CDH3: variants seen among roughly 807,000 people sequenced by gnomAD.
The protein encoded by CDH3 is cadherin-3.
A neutral mutation model predicts 82.0 loss-of-function variants in CDH3; 54 were observed. That is an observed-to-expected ratio of 0.66 (90% CI 0.53 to 0.83). The LOEUF (loss-of-function observed/expected upper bound fraction) is 0.83, where lower values mean the gene tolerates loss of function less well. CDH3 is among the 40% of genes least tolerant of loss of function. The pLI is 0.00. For missense variants in CDH3, 1,054 were observed against 1,084.6 expected, an observed-to-expected ratio of 0.97 and a Z score of 0.40; for synonymous variants, 446 against 437.9, an observed-to-expected ratio of 1.02 and a Z score of -0.23.
chr16:68,646,513 C>A (rs2152087827), intron 2 of CDH3, among the ~76,000 whole-genome samples: 2 of 132,794 alleles, frequency 1.5e-5, no homozygotes, highest in Admixed American at 7.6e-5. Flanking sequence ...CCCCCCCCCT[C>A]CCCGCCCCAA....
intron 2 of CDH3, among the ~76,000 whole-genome samples, chr16:68,652,778 G>A (rs891732878): frequency 1.3e-5 from 2 of 152,136 alleles, no homozygotes; most frequent in African/African-American, 4.8e-5. Flanking sequence ...AGGTGAATTT[G>A]CCTGCATTTG....
At chr16:68,660,966 CAA>C (rs10590071) in intron 2 of CDH3, among the ~76,000 whole-genome samples, 4,154 of 116,946 alleles carry the variant, frequency 0.036, 181 homozygotes, top group African/African-American at 0.12. Context: ...GACTCCGTCT[CAA>C]AAAAAAAAAA....
At chr16:68,674,133 A>T (rs1234089193) in intron 2 of CDH3, among the ~76,000 whole-genome samples, 3 of 152,204 alleles carry the variant, frequency 2.0e-5, no homozygotes, top group African/African-American at 7.2e-5. Context: ...TGGCTGCATC[A>T]TTTCACATTC....
chr16:68,711,511 A>G (rs1962031308), intron 1 of CDH3, among the ~76,000 whole-genome samples: 1 of 152,094 alleles, frequency 6.6e-6, no homozygotes, highest in Non-Finnish European at 1.5e-5. Flanking sequence ...AACTGCACAC[A>G]GGGCTGGCTG....
chr16:68,657,236 C>G (rs145358013), intron 2 of CDH3, among the ~76,000 whole-genome samples: 1 of 152,048 alleles, frequency 6.6e-6, no homozygotes, highest in Non-Finnish European at 1.5e-5. Context: ...CAAACGGGCT[C>G]GGTGTGATGG....
intron 2 of CDH3, among the ~76,000 whole-genome samples, chr16:68,652,839 G>C (rs1396490516): frequency 5.3e-5 from 8 of 152,164 alleles, no homozygotes; most frequent in Admixed American, 5.2e-4. Context: ...CTGCTTTCAT[G>C]GCACCATTGA....
chr16:68,648,481 C>CT (rs1322868051), intron 2 of CDH3, among the ~76,000 whole-genome samples: 1 of 150,296 alleles, frequency 6.7e-6, no homozygotes, highest in African/African-American at 2.5e-5. Flanking sequence ...GGGTATCGCT[C>CT]TGTCACCCAG....
chr16:68,655,258 C>T lies in CDH3; in HGVS notation c.160+9508C>T, dbSNP rs182769021. On this transcript the variant is annotated intron_variant, in intron 2 of 15. Coordinates refer to ENST00000264012, the MANE Select transcript of CDH3 (RefSeq NM_001793.6). ...GCCAACATGTTCAAATCCAGCTCCT[C>T]TCTTATAGAAACAGTGAAGTGTCTG... Among the ~76,000 whole-genome samples the T allele has an allele frequency of 2.5e-3, 388 of 152,242 alleles. 2 individuals carry two copies. The highest frequency in any genetic ancestry group is 4.7e-3 in the Non-Finnish European group (319 of 68,020).
chr16:68,679,770 A>T (rs756683385), intron 6 of CDH3, 29 bp from the exon 7 acceptor site: 74 of 1,511,900 alleles, frequency 4.9e-5, no homozygotes, highest in African/African-American at 8.3e-5. Flanking sequence ...TGGAACTGGG[A>T]GGAAAAGATA....
rs1005547142 is a variant in CDH3 at position 68,707,627 on chromosome 16, G to T, written c.99+11704G>T. On this transcript the variant is annotated intron_variant, in intron 1 of 2. Coordinates refer to the CDH3 transcript ENST00000569080. This position sits in a 1 kb window ranked among gnomAD's most constrained non-coding sequence, Gnocchi z 4.5. ...GATGTGGGAGTGACTCACCACCCTG[G>T]CCTCTCAGTGGGCTGAAAGGAGACC... Among the ~76,000 whole-genome samples the T allele has an allele frequency of 6.6e-6, 1 of 152,150 alleles. No homozygotes were observed. Among genetic ancestry groups the T allele is most frequent in the Non-Finnish European group, 1.5e-5 (1 of 68,008 alleles).
intron 15 of CDH3, among the ~76,000 whole-genome samples, chr16:68,697,775 T>C (rs894836951): frequency 6.6e-6 from 1 of 152,224 alleles, no homozygotes; most frequent in African/African-American, 2.4e-5. Flanking sequence ...CTCATTCATC[T>C]GTTCCTTTAA....
intron 2 of CDH3, among the ~76,000 whole-genome samples, chr16:68,663,384 T>C (rs12232449): frequency 0.59 from 88,790 of 151,562 alleles, 26,253 homozygotes; most frequent in East Asian, 0.63. Flanking sequence ...ATGCCCGCCA[T>C]GATGCCCGGC....
At chr16:68,655,908 T>G (rs573320538) in intron 2 of CDH3, among the ~76,000 whole-genome samples, 1 of 152,032 alleles carries the variant, frequency 6.6e-6, no homozygotes, top group African/African-American at 2.4e-5. Context: ...AGGAGTGATA[T>G]AGAGTCACAT....
downstream of CDH3, among the ~76,000 whole-genome samples, chr16:68,729,086 G>C (rs8063418): frequency 0.81 from 122,385 of 151,918 alleles, 50,059 homozygotes; most frequent in Non-Finnish European, 0.89. Context: ...AGGCAGATCA[G>C]TTGAGGTCAG....
chr16:68,694,683 A>G (rs1961664041), intron 13 of CDH3, among the ~76,000 whole-genome samples: 3 of 152,052 alleles, frequency 2.0e-5, no homozygotes, highest in Admixed American at 6.6e-5. Context: ...ACTGTACCCT[A>G]TGAAAGTTGC....
chr16:68,666,767 T>C (rs1960744858), intron 2 of CDH3, among the ~76,000 whole-genome samples: 2 of 152,268 alleles, frequency 1.3e-5, no homozygotes, highest in South Asian at 2.1e-4. Flanking sequence ...CCTGCTTTTT[T>C]CCCCCCTCTG....
intron 2 of CDH3, among the ~76,000 whole-genome samples, chr16:68,656,617 A>C (rs536441843): frequency 1.3e-5 from 2 of 152,358 alleles, no homozygotes; most frequent in Non-Finnish European, 1.5e-5. Flanking sequence ...AAGGTCACCC[A>C]GCTAATAAAT....
At chr16:68,727,033 A>T (rs1299352018) in intron 2 of CDH3, among the ~76,000 whole-genome samples, 1 of 152,230 alleles carries the variant, frequency 6.6e-6, no homozygotes, top group African/African-American at 2.4e-5. Context: ...GGACTGAGTG[A>T]GGAAAAGTCA....
rs775074404 is a variant in CDH3, at chr16:68,698,275, G to A, written c.2365G>A (p.Ala789Thr). The A allele has an allele frequency of 3.7e-6, 6 of 1,614,114 alleles. No individual in the cohort carries two copies. Among genetic ancestry groups the A allele is most frequent in the African/African-American group, 2.7e-5 (2 of 74,938 alleles). The change falls in exon 16 of 16, where the codon GCC (alanine) becomes ACC (threonine). Residue 789 changes from alanine (A) to threonine (T), a missense_variant. Ala to Thr is a moderately conservative substitution (Grantham distance 58). Transcript: ENST00000264012. ...VFDYEGSGSD[A>T]ASLSSLTSSA... ...CGACTATGAGGGCAGCGGCTCCGAC[G>A]CCGCGTCCCTGAGCTCCCTCACCTC...
Sources: gnomAD v4.1 joint callset for allele counts (sites outside exome capture counted in the v4.1 genomes callset) on GRCh38, gnomAD v4.1.1 for gene constraint, Gnocchi (gnomAD v3.1) non-coding constraint, MANE v1.5 for transcripts, NCBI Gene and HGNC (gene_info 2026-07-23, HGNC 2026-07-21) for gene names.